GBF1: variants seen among roughly 807,000 people sequenced by gnomAD.
GBF1 encodes the protein golgi brefeldin A resistant guanine nucleotide exchange factor 1.
A neutral mutation model predicts 210.5 loss-of-function variants in GBF1; 114 were observed. The observed-to-expected ratio is 0.54, with a 90% CI of 0.47 to 0.63. GBF1 has a LOEUF of 0.63. GBF1 is among the 30% of genes least tolerant of loss of function. The pLI is 0.00. For missense variants in GBF1, 1,851 were observed against 2,357.7 expected, an observed-to-expected ratio of 0.79 and a Z score of 4.45; for synonymous variants, 850 against 889.2, an observed-to-expected ratio of 0.96 and a Z score of 0.78.
At chr10:102,235,169 C>A in the GBF1 span, among the ~76,000 whole-genome samples, 2 of 71,552 alleles carry the variant, frequency 2.8e-5, no homozygotes, top group East Asian at 6.1e-4. Context: ...TTACCCTTCC[C>A]CCACCCCCCA....
At chr10:102,365,306 C>T in intron 17 of GBF1, 91 bp from the exon 18 acceptor site, 1 of 914,896 alleles carries the variant, frequency 1.1e-6, no homozygotes, top group Non-Finnish European at 1.8e-6. Context: ...TTTTAGCTGA[C>T]CAACTGTGGG....
At position 102,366,902 on chromosome 10, in the gene GBF1, G is replaced by A. The variant is rs894984725; in HGVS notation, c.2434-183G>A. On this transcript the variant is annotated intron_variant, in intron 19 of 39. Transcript: ENST00000369983. The surrounding 1 kb of genome is among the most constrained non-coding windows in gnomAD (Gnocchi z 4.0). ...CACCCAGCCTGCTGTCTCTTAAAAA[G>A]TCAGAGAGCAAAATTAGTGACCTTT... Among the ~76,000 whole-genome samples, 1 of 152,066 alleles carries A rather than the reference G, an allele frequency of 6.6e-6. No individual in the cohort carries two copies. Among genetic ancestry groups the A allele is most frequent in the Non-Finnish European group, 1.5e-5 (1 of 68,016 alleles).
rs1347858816 is a variant in GBF1 at position 102,353,644 on chromosome 10, A to G, written c.629A>G (p.Asn210Ser). 6 of 1,609,402 alleles carry G rather than the reference A, an allele frequency of 3.7e-6. No individual in the cohort carries two copies. The highest frequency in any genetic ancestry group is 5.1e-6 in the Non-Finnish European group (6 of 1,175,662). Residue 210 changes from asparagine to serine, a missense_variant, in exon 8 of 40, where the codon AAC becomes AGC. Physicochemically the swap from Asn to Ser is conservative, Grantham distance 46. This residue lies in a region of GBF1 where 804 missense variants were observed against 958.6 expected (regional missense o/e 0.84). Coordinates refer to ENST00000369983, the MANE Select transcript of GBF1 (RefSeq NM_001377137.1). ...KEEPKNYVGT[N>S]MKKLKMRAGG... is the part of the protein sequence containing the mutation. ...GAACCCAAGAACTATGTGGGGACCA[A>G]CATGAAGAAGGTATGATCTGAGAGC...
Position 102,369,356 on chromosome 10 carries a change from G to A in GBF1, c.3119G>A (p.Arg1040Gln), listed in dbSNP as rs778400699. Residue 1040 changes from arginine to glutamine, a missense_variant, in exon 24 of 40, where the codon CGA becomes CAA. Physicochemically the swap from Arg to Gln is conservative, Grantham distance 43 (BLOSUM62 1). This residue lies in a region of GBF1 where 967 missense variants were observed against 1,247.7 expected (regional missense o/e 0.78). Coordinates refer to ENST00000369983, the MANE Select transcript of GBF1 (RefSeq NM_001377137.1). The part of the protein sequence containing the change: ...NIMEAMLQLF[R>Q]AQLLPKAMIE... ...ATGGAGGCCATGCTGCAGCTCTTCC[G>A]AGCCCAACTACTGCCCAAGGCTATG... 141 of 1,613,674 alleles carry A rather than the reference G, an allele frequency of 8.7e-5. No homozygotes were observed. The highest frequency in any genetic ancestry group is 1.2e-4 in the Non-Finnish European group (136 of 1,179,716).
chr10:102,379,992 A>C, intron 36 of GBF1, 38 bp downstream of exon 36: 2 of 1,380,434 alleles, frequency 1.4e-6, no homozygotes, highest in African/African-American at 2.8e-5. Flanking sequence ...TCTCTCCCAT[A>C]CCTGCCTTTT....
At position 102,360,354 on chromosome 10, in the gene GBF1, T is replaced by C; in HGVS notation, c.1351T>C (p.Leu451=). ...CCCTGTAGCCCAGTGCCAGACCCTC[T>C]TGGGCCTCATCAAGGATGAGATGTG... The part of the protein sequence containing the change: ...SAPVAQCQTL[L]GLIKDEMCRH... The change falls in exon 12 of 40, where the codon TTG becomes CTG. Residue 451 remains leucine (L), a synonymous_variant. Coordinates refer to ENST00000369983, the MANE Select transcript of GBF1 (RefSeq NM_001377137.1). The C allele has an allele frequency of 1.2e-6, 2 of 1,613,474 alleles. No homozygotes were observed. Among genetic ancestry groups the C allele is most frequent in the Non-Finnish European group, 8.5e-7 (1 of 1,179,392 alleles).
chr10:102,376,478 G>A, intron 31 of GBF1, 46 bp downstream of exon 31: 11 of 1,612,248 alleles, frequency 6.8e-6, no homozygotes, highest in Non-Finnish European at 9.3e-6. Flanking sequence ...TGCTTGACCT[G>A]TGGGAAGAAT....
intron 3 of GBF1, among the ~76,000 whole-genome samples, chr10:102,339,874 C>T (rs2134482913): frequency 6.6e-6 from 1 of 152,104 alleles, no homozygotes; most frequent in Admixed American, 6.6e-5. Flanking sequence ...GCAGCCTCAG[C>T]CTCCCAGGCT....
chr10:102,378,858 C>T (rs2060667609), intron 33 of GBF1, among the ~76,000 whole-genome samples: 1 of 152,012 alleles, frequency 6.6e-6, no homozygotes, highest in African/African-American at 2.4e-5. Flanking sequence ...CACCTGAGCC[C>T]AGGAGTTCGA....
chr10:102,286,194 G>GTTTT (rs55904022), intron 3 of GBF1, among the ~76,000 whole-genome samples: 5 of 126,368 alleles, frequency 4.0e-5, no homozygotes, highest in African/African-American at 1.7e-4. Context: ...AAGCATAAGG[G>GTTTT]TTTTTTTTTT....
chr10:102,356,861 A>G (rs988449174), intron 8 of GBF1, among the ~76,000 whole-genome samples: 1 of 152,160 alleles, frequency 6.6e-6, no homozygotes, highest in African/African-American at 2.4e-5. Context: ...GGAATAGTTA[A>G]CAAACAGGTG....
In GBF1 at chr10:102,368,343, A is replaced by G. The variant is rs773349824; in HGVS notation, c.2768A>G (p.Tyr923Cys). ...GIFLRVPTAS[Y>C]DLDLFTMTWG... The stretch of plus-strand genomic sequence containing the variant: ...TTCCTGCGTGTGCCTACTGCCAGCT[A>G]TGATCTTGACCTCTTCACCATGACC... The change falls in exon 22 of 40, where the codon TAT (tyrosine) becomes TGT (cysteine). Residue 923 changes from tyrosine to cysteine, a missense_variant. Tyr to Cys is a radical substitution (Grantham distance 194, BLOSUM62 -2). Coordinates refer to ENST00000369983, the MANE Select transcript of GBF1 (RefSeq NM_001377137.1). The G allele has an allele frequency of 1.9e-6, 3 of 1,613,678 alleles. No individual in the cohort carries two copies. The highest frequency in any genetic ancestry group is 1.7e-5 in the Admixed American group (1 of 60,008).
chr10:102,329,569 T>G (rs535726172), intron 3 of GBF1, among the ~76,000 whole-genome samples: 1 of 152,204 alleles, frequency 6.6e-6, no homozygotes, highest in African/African-American at 2.4e-5. Flanking sequence ...GTTCACTCCA[T>G]TCTCCTGCCT....
At chr10:102,287,344 CTTTTTTTTTTTTTTT>C (rs763880492) in intron 3 of GBF1, among the ~76,000 whole-genome samples, 205 of 69,544 alleles carry the variant, frequency 2.9e-3, no homozygotes, top group Non-Finnish European at 3.4e-3. Context: ...ATTTTATTTT[CTTTTTTTTTTTTTTT>C]TTTTTTTTTT....
At chr10:102,324,138 A>C (rs2056687757) in intron 3 of GBF1, among the ~76,000 whole-genome samples, 1 of 152,182 alleles carries the variant, frequency 6.6e-6, no homozygotes, top group African/African-American at 2.4e-5. Flanking sequence ...CGCACCAAGC[A>C]AAGATGTATA....
the GBF1 span, among the ~76,000 whole-genome samples, chr10:102,238,165 C>G: frequency 6.6e-6 from 1 of 152,182 alleles, no homozygotes; most frequent in African/African-American, 2.4e-5. Flanking sequence ...TCCTTTTCCT[C>G]CCCATCATTC....
At chr10:102,232,114 G>T in the GBF1 span, 2 of 1,370,268 alleles carry the variant, frequency 1.5e-6, no homozygotes, top group Non-Finnish European at 2.0e-6. Flanking sequence ...AGAAGACACA[G>T]ACCAGGGTAA....
Position 102,382,074 on chromosome 10 carries a change from G to A in GBF1, c.5321G>A (p.Ser1774Asn), listed in dbSNP as rs1260976048. ...LGACDFEKPE[S>N]PRAASSSSPG... ...CCTACAGACTTTGAGAAGCCCGAGA[G>A]CCCCCGAGCCGCCAGCAGCAGCTCC... is the stretch of plus-strand genomic sequence containing the variant. The change falls in exon 40 of 40, where the codon AGC (serine) becomes AAC (asparagine). Residue 1774 changes from serine to asparagine, a missense_variant. Around this residue, in one of 3 missense-constraint regions of GBF1, gnomAD observed 967 missense variants for 1,247.7 expected, o/e 0.78. Transcript: ENST00000369983. 1.0e-5 allele frequency: 16 copies of A among 1,552,778 alleles called. No individual in the cohort carries two copies. Among genetic ancestry groups the A allele is most frequent in the Non-Finnish European group, 1.4e-5 (16 of 1,150,038 alleles).
At chr10:102,265,048 A>T (rs1269565232) in intron 3 of GBF1, among the ~76,000 whole-genome samples, 1 of 152,212 alleles carries the variant, frequency 6.6e-6, no homozygotes, top group Non-Finnish European at 1.5e-5. Context: ...GGGATGGGGC[A>T]TGGAAGGGAA....
Sources: allele counts gnomAD v4.1 joint callset (sites outside exome capture counted in the v4.1 genomes callset), GRCh38; gene constraint gnomAD v4.1.1; regional missense constraint gnomAD v4.1.1; non-coding constraint Gnocchi (gnomAD v3.1); transcripts MANE v1.5; gene names NCBI Gene and HGNC (gene_info 2026-07-23, HGNC 2026-07-21).